The following SAMD13 variants were observed in gnomAD, a reference collection of about 807,000 sequenced individuals.
The protein encoded by SAMD13 is sterile alpha motif domain containing 13.
Under a neutral mutation model 12.4 loss-of-function variants are expected in SAMD13, and 9 were observed. The observed-to-expected ratio is 0.72, with a 90% confidence interval of 0.44 to 1.26. The LOEUF is 1.26. Among genes scored for constraint, SAMD13 ranks in the 50% most tolerant of loss-of-function variants. The pLI, the probability that SAMD13 is intolerant of heterozygous loss-of-function variation, is 0.00. For missense variants in SAMD13, 84 were observed against 119.6 expected (o/e 0.70, Z 1.39); for synonymous variants, 46 against 45.4 (o/e 1.01, Z -0.05).
Position 84,342,493 on chromosome 1 carries a change from TG to T in SAMD13, c.166-7136del, listed in dbSNP as rs775637921. On this transcript the variant is annotated intron_variant, in intron 3 of 3. Transcript: ENST00000394834. ...CACAGTAACCAAAACAGCATGGTAT[TG>T]GTATAAAAACAGACACCTAGACCAA... 5.1e-3 allele frequency among the ~76,000 whole-genome samples: 773 copies of T among 152,226 alleles called. 4 individuals carry two copies. The highest frequency in any genetic ancestry group is 9.0e-3 in the Non-Finnish European group (609 of 68,012).
At chr1:84,320,540 G>A (rs191248940) in intron 2 of SAMD13, among the ~76,000 whole-genome samples, 96 of 152,284 alleles carry the variant, frequency 6.3e-4, no homozygotes, top group African/African-American at 2.1e-3. Flanking sequence ...CGGAAATAAC[G>A]CTAATGCTCA....
Position 84,349,927 on chromosome 1 carries a change from C to T in SAMD13, c.*153C>T. ...ATCCTATTGGATAGACTAGGCAATT[C>T]ATCAGCTCACCTGAAATCAGCCAGG... On this transcript the variant is annotated 3_prime_UTR_variant, in exon 4 of 4. Coordinates refer to ENST00000394834, the MANE Select transcript of SAMD13 (RefSeq NM_001134663.2). 1 of 1,345,252 alleles carries T rather than the reference C, an allele frequency of 7.4e-7. No individual in the cohort carries two copies. Among genetic ancestry groups the T allele is most frequent in the Non-Finnish European group, 9.5e-7 (1 of 1,048,604 alleles). The allele number at this position is 1,345,252 out of a possible 1,614,324, so 83.3% of individuals were successfully genotyped here.
chr1:84,338,319 C>T (rs1465982564), intron 3 of SAMD13, among the ~76,000 whole-genome samples: 3 of 152,048 alleles, frequency 2.0e-5, no homozygotes, highest in South Asian at 2.1e-4. Flanking sequence ...TACAGTTCCA[C>T]ATGGCTGGGG....
chr1:84,308,441 A>G (rs1263216458), intron 2 of SAMD13, among the ~76,000 whole-genome samples: 1 of 152,288 alleles, frequency 6.6e-6, no homozygotes, highest in Admixed American at 6.5e-5. Flanking sequence ...TCCAGCCTTG[A>G]CAATCAAAAA....
intron 2 of SAMD13, among the ~76,000 whole-genome samples, chr1:84,311,432 A>G (rs1457442950): frequency 2.0e-5 from 3 of 152,216 alleles, no homozygotes. Context: ...TGAACAGTAC[A>G]GCAAATCTTT....
At chr1:84,299,579 A>G, upstream of SAMD13, 3 of 1,504,074 alleles carry the variant, frequency 2.0e-6, no homozygotes, top group Non-Finnish European at 1.8e-6. Context: ...ACTTTATGCT[A>G]CATACTACAC....
intron 2 of SAMD13, among the ~76,000 whole-genome samples, chr1:84,324,751 G>A (rs1679019406): frequency 6.6e-6 from 1 of 152,168 alleles, no homozygotes; most frequent in Admixed American, 6.6e-5. Flanking sequence ...ACGCAGAAAT[G>A]AGGCAGAGTC....
intron 3 of SAMD13, among the ~76,000 whole-genome samples, chr1:84,341,047 C>G (rs942576419): frequency 6.6e-6 from 1 of 152,230 alleles, no homozygotes; most frequent in African/African-American, 2.4e-5. Context: ...GGTTCTCAGG[C>G]CTTCAGACTC....
chr1:84,338,252 G>A (rs1364376323), intron 3 of SAMD13, among the ~76,000 whole-genome samples: 1 of 152,036 alleles, frequency 6.6e-6, no homozygotes, highest in Non-Finnish European at 1.5e-5. Context: ...TCACACTGCT[G>A]ATAAAGACAT....
At chr1:84,332,537 T>G (rs1029481961) in intron 3 of SAMD13, among the ~76,000 whole-genome samples, 60 of 152,152 alleles carry the variant, frequency 3.9e-4, no homozygotes, top group African/African-American at 1.4e-3. Context: ...ACTTCTTTTG[T>G]GACGTGTCTG....
chr1:84,306,213 T>G (rs1485992470), intron 2 of SAMD13, among the ~76,000 whole-genome samples: 1 of 152,214 alleles, frequency 6.6e-6, no homozygotes, highest in Non-Finnish European at 1.5e-5. Flanking sequence ...GTTGCATCCC[T>G]AATATTTCAT....
At chr1:84,302,651 C>G in intron 1 of SAMD13, 1 of 986,818 alleles carries the variant, frequency 1.0e-6, no homozygotes, top group South Asian at 4.7e-5. Context: ...GCATGGCCAT[C>G]TCACAGACGG....
At chr1:84,343,915 A>G (rs1470086417) in intron 3 of SAMD13, among the ~76,000 whole-genome samples, 1 of 152,168 alleles carries the variant, frequency 6.6e-6, no homozygotes, top group Admixed American at 6.5e-5. Flanking sequence ...ATTTGACAAT[A>G]TATGGGAGGT....
intron 3 of SAMD13, among the ~76,000 whole-genome samples, chr1:84,335,969 C>A (rs1679280513): frequency 1.3e-5 from 2 of 152,064 alleles, no homozygotes; most frequent in Non-Finnish European, 2.9e-5. Flanking sequence ...TCTTTATCTG[C>A]CTTTTACATT....
upstream of SAMD13, among the ~76,000 whole-genome samples, chr1:84,298,903 C>T (rs984208057): frequency 1.3e-5 from 2 of 152,082 alleles, no homozygotes; most frequent in Non-Finnish European, 1.5e-5. Flanking sequence ...CAAAGACCGG[C>T]TTCCCCGGGG....
chr1:84,301,701 T>C, upstream of SAMD13: 1 of 985,460 alleles, frequency 1.0e-6, no homozygotes, highest in South Asian at 4.7e-5. Context: ...TACCTCCTTA[T>C]TGAATTCCTT....
At chr1:84,299,655 G>GTGTATA, upstream of SAMD13, 1 of 891,360 alleles carries the variant, frequency 1.1e-6, no homozygotes, top group Non-Finnish European at 1.5e-6. Flanking sequence ...GTGAGTACTA[G>GTGTATA]TGTATATATA....
intron 3 of SAMD13, among the ~76,000 whole-genome samples, chr1:84,342,371 C>A (rs1455844405): frequency 6.6e-6 from 1 of 151,906 alleles, no homozygotes; most frequent in African/African-American, 2.4e-5. Context: ...GATGGAAGAA[C>A]AACATCAAAA....
At chr1:84,341,555 G>T (rs1382516812) in intron 3 of SAMD13, among the ~76,000 whole-genome samples, 1 of 152,102 alleles carries the variant, frequency 6.6e-6, no homozygotes, top group Admixed American at 6.6e-5. Flanking sequence ...ATCCTGGATG[G>T]GGGGTTTGTG....
Sources: allele counts gnomAD v4.1 joint callset (sites outside exome capture counted in the v4.1 genomes callset), GRCh38; gene constraint gnomAD v4.1.1; transcripts MANE v1.5; gene names NCBI Gene and HGNC (gene_info 2026-07-23, HGNC 2026-07-21).